Variants in ARID5B observed in about 807,000 individuals in gnomAD.
ARID5B encodes AT-rich interaction domain 5B, also known as AT-rich interactive domain-containing protein 5B.
In ARID5B, 13 loss-of-function variants were observed where a neutral mutation model predicts 97.2. The ratio of observed to expected loss-of-function variants is 0.13; its 90% CI spans 0.09 to 0.21. The LOEUF (loss-of-function observed/expected upper bound fraction) is 0.21. Ranked by LOEUF, ARID5B falls within the 10% of genes least tolerant of loss-of-function variation. The probability of loss-of-function intolerance (pLI) is 1.00; values close to 1 mark genes in which losing one functional copy is unlikely to be tolerated. For missense variants in ARID5B, 1,210 were observed against 1,465.3 expected (o/e 0.83, Z 2.84); for synonymous variants, 556 against 570.3 (o/e 0.97, Z 0.36).
At chr10:62,077,812 C>G (rs912604421) in intron 8 of ARID5B, among the ~76,000 whole-genome samples, 1 of 152,162 alleles carries the variant, frequency 6.6e-6, no homozygotes, top group Non-Finnish European at 1.5e-5. Context: ...TAACTGTACT[C>G]TCAAGCATGC....
chr10:62,074,493 G>A (rs944776334), intron 8 of ARID5B, among the ~76,000 whole-genome samples: 2 of 152,180 alleles, frequency 1.3e-5, no homozygotes, highest in African/African-American at 4.8e-5. Flanking sequence ...TTCTCTGAAG[G>A]TATAAGGTAG....
intron 2 of ARID5B, among the ~76,000 whole-genome samples, chr10:61,919,788 A>G (rs1017114452): frequency 6.6e-6 from 1 of 152,182 alleles, no homozygotes; most frequent in African/African-American, 2.4e-5. Context: ...TTGGTTGTAA[A>G]ATATGCATCC....
Position 62,091,409 on chromosome 10 carries a change from T to C in ARID5B, c.1946T>C (p.Leu649Pro). 6.2e-7 allele frequency: 1 copy of C among 1,613,462 alleles called. No individual in the cohort carries two copies. Residue 649 changes from leucine to proline, a missense_variant, in exon 10 of 10, where the codon CTT becomes CCT. Around this residue, in one of 8 missense-constraint regions of ARID5B, gnomAD observed 800 missense variants for 839.1 expected, o/e 0.95. Transcript: ENST00000279873. ...GCGCTCAAGCAGACCCCAAAGGTCC[T>C]TGTGGTCCAGTCGTTTGACATGTTC... ...HNALKQTPKVLVVQSFDMFKD... is the reference protein window; with the variant it reads ...HNALKQTPKVPVVQSFDMFKD...
intron 3 of ARID5B, among the ~76,000 whole-genome samples, chr10:61,957,681 T>C (rs1838410650): frequency 6.6e-6 from 1 of 152,268 alleles, no homozygotes. Context: ...ATCTCTCTAA[T>C]GATTTTTATA....
At chr10:62,054,876 A>G (rs1206423063) in intron 5 of ARID5B, among the ~76,000 whole-genome samples, 1 of 152,192 alleles carries the variant, frequency 6.6e-6, no homozygotes, top group East Asian at 1.9e-4. Context: ...CTTCCAAACC[A>G]TACATGACCT....
In ARID5B at chr10:61,976,246, T is replaced by G. The variant is rs182806583; in HGVS notation, c.503-23845T>G. 4.0e-3 allele frequency among the ~76,000 whole-genome samples: 603 copies of G among 152,366 alleles called. 9 individuals carry two copies. The highest frequency in any genetic ancestry group is 0.031 in the Admixed American group (475 of 15,306). Reference sequence around the variant, plus strand: ...TATGACTGAGAAACTGAATTTTTAGTGTATAAAATTTATTTTGTTCTAATT... The same window carrying G: ...TATGACTGAGAAACTGAATTTTTAGGGTATAAAATTTATTTTGTTCTAATT... On this transcript the variant is annotated intron_variant, in intron 3 of 9. Transcript: ENST00000279873.
At chr10:61,957,789 TAATG>T (rs1392536438) in intron 3 of ARID5B, among the ~76,000 whole-genome samples, 1 of 152,250 alleles carries the variant, frequency 6.6e-6, no homozygotes, top group African/African-American at 2.4e-5. Flanking sequence ...AAATTTAAAA[TAATG>T]TATGTGTCTC....
intron 7 of ARID5B, among the ~76,000 whole-genome samples, chr10:62,066,160 A>C (rs923942605): frequency 6.6e-6 from 1 of 152,218 alleles, no homozygotes; most frequent in African/African-American, 2.4e-5. Flanking sequence ...AAAGCATGTT[A>C]ATACAGAAGG....
Position 62,093,881 on chromosome 10 carries a change from G to C in ARID5B, c.*851G>C, listed in dbSNP as rs1366083755. On this transcript the variant is annotated 3_prime_UTR_variant, in exon 10 of 10. Transcript: ENST00000279873. ...AAGAAACAGTCAAGCACACAATAGTGCAAAGAACGTTCCTTTGTAGATCCG... is the reference window on the plus strand; with the variant it reads ...AAGAAACAGTCAAGCACACAATAGTCCAAAGAACGTTCCTTTGTAGATCCG... The C allele has an allele frequency of 8.6e-6, 2 of 233,440 alleles. No homozygotes were observed. Among genetic ancestry groups the C allele is most frequent in the East Asian group, 6.0e-5 (1 of 16,572 alleles). 14.5% of individuals were successfully genotyped at this position (233,440 alleles called of 1,614,324 possible).
chr10:62,049,417 G>A, intron 4 of ARID5B: 2 of 1,550,368 alleles, frequency 1.3e-6, no homozygotes. Context: ...TGGCCGGGGA[G>A]CAGTCACATG....
At chr10:61,989,639 A>T (rs1838895525) in intron 3 of ARID5B, among the ~76,000 whole-genome samples, 1 of 152,218 alleles carries the variant, frequency 6.6e-6, no homozygotes, top group African/African-American at 2.4e-5. Context: ...TAAAATTTTT[A>T]TGCATAGGTT....
intron 4 of ARID5B, among the ~76,000 whole-genome samples, chr10:62,001,122 C>T (rs1803690842): frequency 6.6e-6 from 1 of 152,210 alleles, no homozygotes; most frequent in Non-Finnish European, 1.5e-5. Flanking sequence ...CGTTCTCTTA[C>T]ATTATCACTT....
Position 62,000,207 on chromosome 10 carries a change from G to A in ARID5B, c.619G>A (p.Ala207Thr), listed in dbSNP as rs543501415. The A allele has an allele frequency of 1.1e-5, 17 of 1,614,058 alleles. No homozygotes were observed. The highest frequency in any genetic ancestry group is 8.3e-5 in the Admixed American group (5 of 60,030). The change falls in exon 4 of 10, where the codon GCA becomes ACA. Residue 207 changes from alanine to threonine, a missense_variant. By Grantham distance (58) the Ala-to-Thr change is moderately conservative. Coordinates refer to ENST00000279873, the MANE Select transcript of ARID5B (RefSeq NM_032199.3). The surrounding 1 kb of genome is among the most constrained non-coding windows in gnomAD (Gnocchi z 4.4). ...KPSSILTDQF[A>T]LALGGIAVVS... is the part of the protein sequence containing the mutation. ...ATCTTCCATTCTAACGGACCAGTTT[G>A]CATTGGCCCTGGGGGGCATTGCAGT...
intron 7 of ARID5B, among the ~76,000 whole-genome samples, chr10:62,067,142 A>G (rs1840002842): frequency 1.3e-5 from 2 of 151,808 alleles, no homozygotes; most frequent in Admixed American, 6.6e-5. Flanking sequence ...CTGGAGTGCA[A>G]TGGCGCGATC....
At position 62,023,300 on chromosome 10, in the gene ARID5B, T is replaced by C. The variant is rs575020540; in HGVS notation, c.733+22979T>C. 5.3e-5 allele frequency among the ~76,000 whole-genome samples: 8 copies of C among 152,368 alleles called. No individual in the cohort carries two copies. In the East Asian group the frequency reaches 1.5e-3, roughly 29 times the overall value. ...TCCTTAGATTTAGGGCAAGGCACTC[T>C]TCCCCATATTGCCTCCTTTGGCCAT... On this transcript the variant is annotated intron_variant, in intron 4 of 9. Coordinates refer to ENST00000279873, the MANE Select transcript of ARID5B (RefSeq NM_032199.3).
At chr10:62,038,937 G>A (rs1254844270) in intron 4 of ARID5B, among the ~76,000 whole-genome samples, 3 of 152,146 alleles carry the variant, frequency 2.0e-5, no homozygotes, top group African/African-American at 4.8e-5. Context: ...TCCACCTTCC[G>A]ATTGCCATAC....
intron 3 of ARID5B, among the ~76,000 whole-genome samples, chr10:61,987,483 GA>G (rs1838863675): frequency 6.6e-6 from 1 of 152,154 alleles, no homozygotes; most frequent in Admixed American, 6.5e-5. Flanking sequence ...CTGTATCTTA[GA>G]AATTAAGCTG....
At chr10:61,983,065 TG>T (rs1681366318) in intron 3 of ARID5B, among the ~76,000 whole-genome samples, 1 of 152,186 alleles carries the variant, frequency 6.6e-6, no homozygotes, top group African/African-American at 2.4e-5. Flanking sequence ...AGAGGCTGCT[TG>T]TGTGAGCCTC....
Position 61,940,417 on chromosome 10 carries a change from G to T in ARID5B, c.502+9G>T. 1 of 1,606,382 alleles carries T rather than the reference G, an allele frequency of 6.2e-7. No homozygotes were observed. Among genetic ancestry groups the T allele is most frequent in the South Asian group, 1.1e-5 (1 of 90,108 alleles). On this transcript the variant is annotated intron_variant, in intron 3 of 9. Transcript: ENST00000279873. Reference sequence around the variant, plus strand: ...GGAGAAGGCAGACCTGGGTAAATATGACTTGTAATTTTAAATCTAATGTGT... The same window carrying T: ...GGAGAAGGCAGACCTGGGTAAATATTACTTGTAATTTTAAATCTAATGTGT...
Sources: allele counts gnomAD v4.1 joint callset (sites outside exome capture counted in the v4.1 genomes callset), GRCh38; gene constraint gnomAD v4.1.1; regional missense constraint gnomAD v4.1.1; non-coding constraint Gnocchi (gnomAD v3.1); transcripts MANE v1.5; gene names NCBI Gene and HGNC (gene_info 2026-07-23, HGNC 2026-07-21).